The following SCYL2 variants were observed in gnomAD, a reference collection of about 807,000 sequenced individuals.
SCYL2 encodes the protein SCY1-like protein 2.
Under a neutral mutation model 100.4 loss-of-function variants are expected in SCYL2, and 36 were observed. That is an observed-to-expected ratio of 0.36 (90% CI 0.27 to 0.47). The LOEUF is 0.47. Ranked by LOEUF, SCYL2 falls within the 20% of genes least tolerant of loss-of-function variation. The probability of loss-of-function intolerance (pLI) is 1.00; values close to 1 mark genes in which losing one functional copy is unlikely to be tolerated. For synonymous variants in SCYL2, 330 were observed against 359.2 expected (o/e 0.92, Z 0.92); for missense variants, 902 against 1,083.9 (o/e 0.83, Z 2.36).
intron 16 of SCYL2, among the ~76,000 whole-genome samples, chr12:100,337,102 C>G (rs528848418): frequency 6.6e-6 from 1 of 152,152 alleles, no homozygotes; most frequent in South Asian, 2.1e-4. Context: ...AATGAAATCA[C>G]TAAATCTTAT....
At chr12:100,269,049 G>C (rs1403048614) in intron 1 of SCYL2, among the ~76,000 whole-genome samples, 1 of 152,128 alleles carries the variant, frequency 6.6e-6, no homozygotes, top group Non-Finnish European at 1.5e-5. Context: ...GTCTCCTGTA[G>C]TTTTCCAAAC....
chr12:100,332,172 A>G (rs1952217832), intron 13 of SCYL2, among the ~76,000 whole-genome samples: 1 of 152,202 alleles, frequency 6.6e-6, no homozygotes, highest in African/African-American at 2.4e-5. Context: ...TTGTGGTTAT[A>G]CATGTGAAAT....
intron 1 of SCYL2, among the ~76,000 whole-genome samples, chr12:100,268,532 G>C (rs920269781): frequency 6.6e-6 from 1 of 152,116 alleles, no homozygotes; most frequent in Non-Finnish European, 1.5e-5. Flanking sequence ...GCTTTTGGGG[G>C]ATTGTGTAAA....
chr12:100,314,106 G>C (rs531605587), intron 7 of SCYL2, among the ~76,000 whole-genome samples: 25 of 152,272 alleles, frequency 1.6e-4, no homozygotes, highest in Non-Finnish European at 1.5e-4. Context: ...GTCTTGTCCT[G>C]ACCTCAGGTG....
chr12:100,335,700 C>T lies in SCYL2; in HGVS notation c.1929+9C>T. 1.9e-6 allele frequency: 3 copies of T among 1,608,786 alleles called. No homozygotes were observed. The highest frequency in any genetic ancestry group is 2.5e-6 in the Non-Finnish European group (3 of 1,176,570). On this transcript the variant is annotated intron_variant, in intron 15 of 17. Transcript: ENST00000360820. ...CAAATATTGGGAATCAGGTAAGAAG[C>T]AGCTTAATTTTTGCAGAAAGTATGC...
chr12:100,276,033 G>A (rs2096292160), intron 1 of SCYL2, among the ~76,000 whole-genome samples: 1 of 152,060 alleles, frequency 6.6e-6, no homozygotes, highest in African/African-American at 2.4e-5. Context: ...TTTGGTCGTG[G>A]GGTTGGATGT....
In SCYL2 at chr12:100,338,519, A is replaced by G. The variant is rs1207321360; in HGVS notation, c.2146-9A>G. On this transcript the variant is annotated splice_polypyrimidine_tract_variant and intron_variant, in intron 17 of 17. Transcript: ENST00000360820. The stretch of plus-strand genomic sequence containing the variant: ...CTTAGAGATAAAGTAATTCTCTCAT[A>G]TTTTTCAGACTAAGGACTTGACAGA... 2 of 1,559,042 alleles carry G rather than the reference A, an allele frequency of 1.3e-6. No individual in the cohort carries two copies. The highest frequency in any genetic ancestry group is 8.7e-7 in the Non-Finnish European group (1 of 1,153,406).
At chr12:100,268,267 C>G (rs376559887) in intron 1 of SCYL2, among the ~76,000 whole-genome samples, 1 of 152,142 alleles carries the variant, frequency 6.6e-6, no homozygotes, top group African/African-American at 2.4e-5. Context: ...TTCTAAGTAG[C>G]CTATCTCCGT....
intron 3 of SCYL2, among the ~76,000 whole-genome samples, chr12:100,293,765 C>T (rs1232411899): frequency 6.6e-6 from 1 of 152,106 alleles, no homozygotes; most frequent in Non-Finnish European, 1.5e-5. Flanking sequence ...ATCTGTTTAA[C>T]AAAGCACATC....
chr12:100,339,187 A>G lies in SCYL2; in HGVS notation c.*15A>G, dbSNP rs768741208. ...TTTTTGGGTGAGGTGTCTTACTTCT[A>G]TTTTGAAGGATTATTTCAGTTTCAA... On this transcript the variant is annotated 3_prime_UTR_variant, in exon 18 of 18. Coordinates refer to ENST00000360820, the MANE Select transcript of SCYL2 (RefSeq NM_017988.6). 4 of 1,599,580 alleles carry G rather than the reference A, an allele frequency of 2.5e-6. No homozygotes were observed. Among genetic ancestry groups the G allele is most frequent in the African/African-American group, 1.3e-5 (1 of 74,552 alleles).
chr12:100,310,599 A>G (rs1255048745), intron 4 of SCYL2, among the ~76,000 whole-genome samples: 2 of 152,236 alleles, frequency 1.3e-5, no homozygotes, highest in Admixed American at 1.3e-4. Flanking sequence ...AGAATAAGTG[A>G]ACTTCAGTTG....
intron 16 of SCYL2, among the ~76,000 whole-genome samples, chr12:100,336,230 G>T (rs1952275346): frequency 6.6e-6 from 1 of 152,132 alleles, no homozygotes; most frequent in East Asian, 1.9e-4. Context: ...CTCCTGTGTT[G>T]ATGGATTCTA....
At chr12:100,271,202 A>G (rs1340342375) in intron 1 of SCYL2, among the ~76,000 whole-genome samples, 1 of 151,108 alleles carries the variant, frequency 6.6e-6, no homozygotes, top group African/African-American at 2.4e-5. Context: ...GTATATTTCA[A>G]GAATACATCT....
chr12:100,293,296 C>T (rs542084577), intron 3 of SCYL2, among the ~76,000 whole-genome samples: 31 of 152,128 alleles, frequency 2.0e-4, no homozygotes, highest in African/African-American at 7.5e-4. Flanking sequence ...TTTTTATTGC[C>T]TTTCTTTTCA....
chr12:100,271,454 T>G (rs2096287626), intron 1 of SCYL2, among the ~76,000 whole-genome samples: 1 of 152,204 alleles, frequency 6.6e-6, no homozygotes, highest in Non-Finnish European at 1.5e-5. Flanking sequence ...ATTACAAAAA[T>G]TCATTGAATA....
intron 4 of SCYL2, among the ~76,000 whole-genome samples, chr12:100,301,242 A>T (rs2096327218): frequency 6.6e-6 from 1 of 152,146 alleles, no homozygotes; most frequent in Non-Finnish European, 1.5e-5. Flanking sequence ...TGTTTCTCTG[A>T]TGATCATTGA....
At chr12:100,277,469 A>G (rs2096293756) in intron 1 of SCYL2, among the ~76,000 whole-genome samples, 1 of 152,176 alleles carries the variant, frequency 6.6e-6, no homozygotes, top group African/African-American at 2.4e-5. Context: ...TAGTATTGTT[A>G]TGTCTTTTTG....
Position 100,298,606 on chromosome 12 carries a change from A to G in SCYL2, c.480+431A>G, listed in dbSNP as rs181883151. Among the ~76,000 whole-genome samples the G allele has an allele frequency of 1.5e-4, 22 of 150,946 alleles. No individual in the cohort carries two copies. The East Asian group carries it at 3.9e-3, about 27-fold the overall frequency. On this transcript the variant is annotated intron_variant, in intron 4 of 17. Coordinates refer to ENST00000360820, the MANE Select transcript of SCYL2 (RefSeq NM_017988.6). ...CTCTTGTTGCCCAGGCTGGAGTGCA[A>G]TGGCACGATCTCAGCTCACTGCAAC...
At chr12:100,334,361 G>A in intron 14 of SCYL2, 95 bp downstream of exon 14, 2 of 773,054 alleles carry the variant, frequency 2.6e-6, no homozygotes, top group African/African-American at 1.7e-5. Context: ...AAAACTTGCT[G>A]GATTTAAATT....
Sources: allele counts gnomAD v4.1 joint callset (sites outside exome capture counted in the v4.1 genomes callset), GRCh38; gene constraint gnomAD v4.1.1; transcripts MANE v1.5; gene names NCBI Gene and HGNC (gene_info 2026-07-23, HGNC 2026-07-21).